PHC3: variants seen among roughly 807,000 people sequenced by gnomAD.
PHC3 encodes polyhomeotic homolog 3.
In PHC3, 13 loss-of-function variants were observed where a neutral mutation model predicts 107.4. The ratio of observed to expected loss-of-function variants is 0.12; its 90% CI spans 0.08 to 0.19. The LOEUF (loss-of-function observed/expected upper bound fraction) is 0.19, where lower values mean the gene tolerates loss of function less well. Among genes scored for constraint, PHC3 ranks in the 10% least tolerant of loss-of-function variants. The probability of loss-of-function intolerance (pLI) is 1.00; values close to 1 mark genes in which losing one functional copy is unlikely to be tolerated. For synonymous variants in PHC3, 456 were observed against 427.4 expected (o/e 1.07, Z -0.83); for missense variants, 992 against 1,210.9 (o/e 0.82, Z 2.68).
At chr3:170,143,101 C>G (rs541587400) in intron 6 of PHC3, among the ~76,000 whole-genome samples, 1 of 152,104 alleles carries the variant, frequency 6.6e-6, no homozygotes, top group Non-Finnish European at 1.5e-5. Context: ...GGCTTGAGCC[C>G]AGGGAGGTCA....
chr3:170,147,963 A>C (rs1725271002), intron 5 of PHC3: 1 of 152,136 alleles, frequency 6.6e-6, no homozygotes, highest in Non-Finnish European at 1.5e-5. Context: ...GAAACTTTGC[A>C]ATTTTAGATA....
At chr3:170,134,579 G>A (rs1722764760) in intron 7 of PHC3, among the ~76,000 whole-genome samples, 1 of 151,950 alleles carries the variant, frequency 6.6e-6, no homozygotes, top group Non-Finnish European at 1.5e-5. Context: ...TACCTAATTA[G>A]TACCAATAAG....
intron 7 of PHC3, among the ~76,000 whole-genome samples, chr3:170,130,155 C>T (rs956323097): frequency 6.6e-6 from 1 of 152,188 alleles, no homozygotes; most frequent in Admixed American, 6.5e-5. Context: ...TGAATATCTA[C>T]ATTAACTTTT....
chr3:170,181,101 G>C (rs1384683758), intron 1 of PHC3, among the ~76,000 whole-genome samples: 1 of 152,160 alleles, frequency 6.6e-6, no homozygotes, highest in Non-Finnish European at 1.5e-5. Context: ...CCAGAGAATC[G>C]AGGGAAAGAC....
At chr3:170,161,375 C>T (rs149153871) in intron 4 of PHC3, among the ~76,000 whole-genome samples, 1,854 of 152,328 alleles carry the variant, frequency 0.012, 39 homozygotes, top group African/African-American at 0.042. Flanking sequence ...CCCAAACTTT[C>T]TGGCACCAGG....
rs1306257887 is a variant in PHC3 at position 170,156,960 on chromosome 3, T to A, written c.415-7716A>T. ...CTATCCTATTTATTTTAGAAAAACA[T>A]TACTTCTACTTTCTGCAATACAAGC... On this transcript the variant is annotated intron_variant, in intron 4 of 14. Coordinates refer to ENST00000495893, the MANE Select transcript of PHC3 (RefSeq NM_024947.4). Among the ~76,000 whole-genome samples the A allele has an allele frequency of 3.3e-5, 5 of 152,156 alleles. No homozygotes were observed. The East Asian group carries it at 9.6e-4, about 29-fold the overall frequency.
intron 4 of PHC3, chr3:170,170,486 G>C (rs1729424872): frequency 6.6e-6 from 1 of 151,290 alleles, no homozygotes; most frequent in Non-Finnish European, 1.5e-5. Context: ...GGAAACCTGA[G>C]ACAAATGATG....
chr3:170,103,071 T>A, intron 12 of PHC3, 137 bp from the exon 13 acceptor site: 1 of 885,506 alleles, frequency 1.1e-6, no homozygotes, highest in Admixed American at 2.6e-5. Flanking sequence ...CCTCATAAAG[T>A]AACTACACTG....
chr3:170,160,587 C>A (rs999235656), intron 4 of PHC3, among the ~76,000 whole-genome samples: 1 of 152,170 alleles, frequency 6.6e-6, no homozygotes, highest in African/African-American at 2.4e-5. Context: ...TAAAATAATT[C>A]TCTGCATTGC....
intron 6 of PHC3, among the ~76,000 whole-genome samples, chr3:170,142,494 T>C (rs543318558): frequency 1.3e-5 from 2 of 152,288 alleles, no homozygotes; most frequent in Admixed American, 6.5e-5. Context: ...TGAGTGCCTG[T>C]AAATGTTTTA....
chr3:170,145,828 T>C (rs991726203), intron 5 of PHC3, among the ~76,000 whole-genome samples: 5 of 152,236 alleles, frequency 3.3e-5, no homozygotes, highest in Non-Finnish European at 7.3e-5. Context: ...TAAGCTATTA[T>C]AGTTAAATTT....
At chr3:170,118,373 G>A (rs1719464832) in intron 9 of PHC3, among the ~76,000 whole-genome samples, 1 of 152,166 alleles carries the variant, frequency 6.6e-6, no homozygotes, top group South Asian at 2.1e-4. Flanking sequence ...AGCCTCTTGA[G>A]TAGGTGGGAC....
At chr3:170,155,618 C>A (rs6799087) in intron 4 of PHC3, among the ~76,000 whole-genome samples, 67,317 of 151,788 alleles carry the variant, frequency 0.44, 15,194 homozygotes, top group East Asian at 0.69. Flanking sequence ...GCTACTCAGG[C>A]GGCTGAGCTG....
intron 7 of PHC3, among the ~76,000 whole-genome samples, chr3:170,135,007 G>A (rs188028375): frequency 3.0e-4 from 45 of 152,260 alleles, no homozygotes; most frequent in Admixed American, 2.7e-3. Flanking sequence ...AACTTGAGAA[G>A]TGAAATAGGT....
intron 4 of PHC3, among the ~76,000 whole-genome samples, chr3:170,168,327 G>A (rs1038079405): frequency 3.3e-5 from 5 of 152,066 alleles, no homozygotes; most frequent in African/African-American, 9.7e-5. Context: ...TGCTTATGCC[G>A]TTTTTTGGCA....
intron 2 of PHC3, among the ~76,000 whole-genome samples, chr3:170,177,666 A>ATTTTTT (rs67401455): frequency 2.9e-5 from 3 of 101,950 alleles, no homozygotes; most frequent in Non-Finnish European, 3.8e-5. Context: ...CACGCCCAGC[A>ATTTTTT]TTTTTTTTTT....
intron 8 of PHC3, chr3:170,125,995 T>C: frequency 2.0e-6 from 2 of 979,614 alleles, no homozygotes; most frequent in Non-Finnish European, 2.4e-6. Flanking sequence ...TCTGTTTCCC[T>C]TTCCTAAATA....
intron 11 of PHC3, 99 bp from the exon 12 acceptor site, chr3:170,107,045 A>C (rs370730661): frequency 8.5e-5 from 61 of 717,112 alleles, no homozygotes; most frequent in East Asian, 6.3e-4. Flanking sequence ...TAGCAAACCA[A>C]TGGCCCTTTA....
chr3:170,119,028 T>C (rs1183800645), intron 9 of PHC3, among the ~76,000 whole-genome samples: 1 of 35,930 alleles, frequency 2.8e-5, no homozygotes, highest in African/African-American at 1.2e-4. Flanking sequence ...ACACAATCTA[T>C]AAAAAGCTAA....
Sources: gnomAD v4.1 joint callset for allele counts (sites outside exome capture counted in the v4.1 genomes callset) on GRCh38, gnomAD v4.1.1 for gene constraint, MANE v1.5 for transcripts, NCBI Gene and HGNC (gene_info 2026-07-23, HGNC 2026-07-21) for gene names.